HCFC2: variants seen among roughly 807,000 people sequenced by gnomAD.
HCFC2 encodes the protein host cell factor 2.
Under a neutral mutation model 89.2 loss-of-function variants are expected in HCFC2, and 18 were observed. The observed-to-expected ratio is 0.20, with a 90% CI of 0.14 to 0.30. HCFC2 has a LOEUF of 0.30. Ranked by LOEUF, HCFC2 falls within the 10% of genes least tolerant of loss-of-function variation. The probability of loss-of-function intolerance (pLI) is 1.00; values close to 1 mark genes in which losing one functional copy is unlikely to be tolerated. For synonymous variants in HCFC2, 308 were observed against 335.7 expected (o/e 0.92, Z 0.90); for missense variants, 578 against 956.1 (o/e 0.60, Z 5.21).
At chr12:104,086,370 G>A (rs1883843383) in intron 7 of HCFC2, among the ~76,000 whole-genome samples, 2 of 152,078 alleles carry the variant, frequency 1.3e-5, no homozygotes, top group Non-Finnish European at 1.5e-5. Flanking sequence ...TTGCTAAAAT[G>A]TACGCTGTTG....
intron 9 of HCFC2, among the ~76,000 whole-genome samples, chr12:104,090,427 C>T (rs1198298491): frequency 1.3e-5 from 2 of 152,096 alleles, no homozygotes; most frequent in Non-Finnish European, 2.9e-5. Flanking sequence ...GTGTGCCTCA[C>T]CCAGTGGATC....
In HCFC2 at chr12:104,105,941, T is replaced by C. The variant is rs1395667365; in HGVS notation, c.*2668T>C. 6.6e-6 allele frequency: 1 copy of C among 152,174 alleles called. No individual in the cohort carries two copies. The highest frequency in any genetic ancestry group is 2.4e-5 in the African/African-American group (1 of 41,466). 9.4% of individuals were successfully genotyped at this position (152,174 alleles called of 1,614,324 possible). A position where few individuals can be genotyped will look rare whatever the true frequency, so the allele number is the denominator to read the frequency against. ...ACTTTGTGCCAGTCCTCTTCTGTGT[T>C]CTGCAACTCTGGCTCTCATAAGTAG... is the stretch of plus-strand genomic sequence containing the variant. On this transcript the variant is annotated 3_prime_UTR_variant, in exon 15 of 15. Coordinates refer to ENST00000229330, the MANE Select transcript of HCFC2 (RefSeq NM_013320.3).
At chr12:104,081,668 T>C (rs967283234) in intron 5 of HCFC2, among the ~76,000 whole-genome samples, 1 of 151,666 alleles carries the variant, frequency 6.6e-6, no homozygotes, top group African/African-American at 2.4e-5. Context: ...CAAAATCTTA[T>C]ACATTTTTTT....
chr12:104,103,180 G>A lies in HCFC2; in HGVS notation c.2286G>A (p.Val762=). ...HIDYTSRPAI[V]FRISAKNEKG... ...ATTATACATCCAGGCCTGCCATTGT[G>A]TTCAGGATATCAGCAAAGAATGAAA... Residue 762 remains valine, a synonymous_variant, in exon 15 of 15, where the codon GTG becomes GTA. Transcript: ENST00000229330. 5 of 1,614,086 alleles carry A rather than the reference G, an allele frequency of 3.1e-6. No individual in the cohort carries two copies. Among genetic ancestry groups the A allele is most frequent in the Non-Finnish European group, 4.2e-6 (5 of 1,179,958 alleles).
rs539941743 is a variant in HCFC2 at position 104,064,776 on chromosome 12, G to A, written c.163+53G>A. ...CGCCTGCTGGAGCTGCGGAGGGGGA[G>A]GGGAGGCGAGGCGGCGGCCGCGGCC... On this transcript the variant is annotated intron_variant, in intron 1 of 14. Transcript: ENST00000229330. The surrounding 1 kb of genome is among the most constrained non-coding windows in gnomAD (Gnocchi z 7.3). 38 of 1,493,634 alleles carry A rather than the reference G, an allele frequency of 2.5e-5. No individual in the cohort carries two copies. The highest frequency in any genetic ancestry group is 3.4e-5 in the Non-Finnish European group (38 of 1,121,592). The allele number at this position is 1,493,634 out of a possible 1,614,324, so 92.5% of individuals were successfully genotyped here.
At chr12:104,083,840 A>G (rs1883754539) in intron 7 of HCFC2, among the ~76,000 whole-genome samples, 1 of 152,158 alleles carries the variant, frequency 6.6e-6, no homozygotes, top group Non-Finnish European at 1.5e-5. Flanking sequence ...AGCCCAGGCA[A>G]CATAGTGAGA....
intron 9 of HCFC2, among the ~76,000 whole-genome samples, chr12:104,089,396 G>A (rs945013031): frequency 2.0e-5 from 3 of 152,078 alleles, no homozygotes; most frequent in Non-Finnish European, 4.4e-5. Flanking sequence ...GGTGCCTGTA[G>A]TCCCAGCTAC....
rs1565817371 is a variant in HCFC2 at position 104,102,950 on chromosome 12, C to CG, written c.2065-9_2065-8insG. The CG allele has an allele frequency of 1.3e-6, 2 of 1,590,808 alleles. No homozygotes were observed. Among genetic ancestry groups the CG allele is most frequent in the Admixed American group, 1.7e-5 (1 of 58,104 alleles). On this transcript the variant is annotated splice_polypyrimidine_tract_variant and intron_variant, in intron 14 of 14. Transcript: ENST00000229330. ...AACCTTTAACCTGTTTTTTCCCCCC[C>CG]CCTTCAAGAATGTTGAAGGTATCCA...
chr12:104,083,402 A>G (rs901355965), intron 7 of HCFC2, among the ~76,000 whole-genome samples: 1 of 152,232 alleles, frequency 6.6e-6, no homozygotes, highest in African/African-American at 2.4e-5. Context: ...TACTATTCAG[A>G]AGTTTCAAAG....
chr12:104,079,400 G>A (rs773299562), intron 3 of HCFC2, 45 bp from the exon 4 acceptor site: 19 of 1,350,306 alleles, frequency 1.4e-5, no homozygotes, highest in Admixed American at 3.7e-5. Context: ...GCAAATAAAG[G>A]GTATATATTA....
At chr12:104,088,096 A>T (rs1883920082) in intron 9 of HCFC2, 58 bp downstream of exon 9, 8 of 1,259,126 alleles carry the variant, frequency 6.4e-6, no homozygotes, top group Non-Finnish European at 9.2e-6. Flanking sequence ...CTCAATTTTT[A>T]TTCAGATATT....
chr12:104,089,356 A>G (rs1273087557), intron 9 of HCFC2, among the ~76,000 whole-genome samples: 2 of 152,058 alleles, frequency 1.3e-5, no homozygotes, highest in African/African-American at 4.8e-5. Context: ...CCTTAAAAAA[A>G]ATGCAAAAAA....
intron 3 of HCFC2, among the ~76,000 whole-genome samples, chr12:104,073,612 C>T (rs527979212): frequency 6.6e-6 from 1 of 152,158 alleles, no homozygotes; most frequent in Non-Finnish European, 1.5e-5. Context: ...TCTTCTAGTT[C>T]ATTCAAACTT....
Position 104,102,030 on chromosome 12 carries a change from A to G in HCFC2, c.1941A>G (p.Thr647=), listed in dbSNP as rs200665097. The change falls in exon 14 of 15, where the codon ACA becomes ACG. Residue 647 remains threonine (T), a synonymous_variant. Coordinates refer to ENST00000229330, the MANE Select transcript of HCFC2 (RefSeq NM_013320.3). ...AGAAACAAGATCTTGTTCCAGGCAC[A>G]GGATACAGATTCAGGGTTGCTGCAA... ...LLKKQDLVPG[T]GYRFRVAAIN... 6.2e-7 allele frequency: 1 copy of G among 1,613,790 alleles called. No individual in the cohort carries two copies. The highest frequency in any genetic ancestry group is 1.7e-4 in the Middle Eastern group (1 of 6,060).
At chr12:104,093,126 T>G (rs549598268) in intron 9 of HCFC2, among the ~76,000 whole-genome samples, 12 of 152,186 alleles carry the variant, frequency 7.9e-5, no homozygotes, top group African/African-American at 2.9e-4. Context: ...TAAAATGTAG[T>G]TTTTTTTCCT....
chr12:104,098,991 C>G (rs1442548868), intron 13 of HCFC2, among the ~76,000 whole-genome samples: 1 of 151,362 alleles, frequency 6.6e-6, no homozygotes, highest in African/African-American at 2.4e-5. Context: ...CAGTGTAAGA[C>G]TCCATCTAAA....
chr12:104,066,034 C>CT (rs1883120786), intron 1 of HCFC2, 133 bp from the exon 2 acceptor site: 1 of 834,954 alleles, frequency 1.2e-6, no homozygotes, highest in Admixed American at 2.7e-5. Flanking sequence ...TGTCACCAGA[C>CT]ATTACCAAAT....
In HCFC2 at chr12:104,066,411, CATTTT is replaced by C; in HGVS notation, c.312+98_312+102del. On this transcript the variant is annotated intron_variant, in intron 2 of 14. Transcript: ENST00000229330. ...GCAACATTACTAACATTGTTTAACACATTTTAATATTATTCAAGTAATGTATTATT... is the reference window on the plus strand; with the variant it reads ...GCAACATTACTAACATTGTTTAACACAATATTATTCAAGTAATGTATTATT... 4 of 852,684 alleles carry C rather than the reference CATTTT, an allele frequency of 4.7e-6. No individual in the cohort carries two copies. In the South Asian group the frequency reaches 5.8e-5, roughly 12 times the overall value. 52.8% of individuals were successfully genotyped at this position (852,684 alleles called of 1,614,324 possible). A position where few individuals can be genotyped will look rare whatever the true frequency, so the allele number is the denominator to read the frequency against.
Position 104,072,198 on chromosome 12 carries a change from C to T in HCFC2, c.473+4091C>T, listed in dbSNP as rs140435672. 2.7e-3 allele frequency among the ~76,000 whole-genome samples: 414 copies of T among 152,102 alleles called. 5 individuals carry two copies. Among genetic ancestry groups the T allele is most frequent in the East Asian group, 8.1e-3 (42 of 5,172 alleles). On this transcript the variant is annotated intron_variant, in intron 3 of 14. Coordinates refer to ENST00000229330, the MANE Select transcript of HCFC2 (RefSeq NM_013320.3). ...ACCAGCCTGGGCAACATGGCAAGACCCTGTCTCTGCAAAACATTAGAAAAT... is the reference window on the plus strand; with the variant it reads ...ACCAGCCTGGGCAACATGGCAAGACTCTGTCTCTGCAAAACATTAGAAAAT...
Sources: gnomAD v4.1 joint callset for allele counts (sites outside exome capture counted in the v4.1 genomes callset) on GRCh38, gnomAD v4.1.1 for gene constraint, Gnocchi (gnomAD v3.1) non-coding constraint, MANE v1.5 for transcripts, NCBI Gene and HGNC (gene_info 2026-07-23, HGNC 2026-07-21) for gene names.